Variants in ROR1 observed in about 807,000 individuals in gnomAD.
The protein encoded by ROR1 is ROR family WNT receptor 1, also known as inactive tyrosine-protein kinase transmembrane receptor ROR1.
Under a neutral mutation model 78.8 loss-of-function variants are expected in ROR1, and 19 were observed. The observed-to-expected ratio is 0.24, with a 90% CI of 0.17 to 0.35. ROR1 has a LOEUF of 0.35. ROR1 is among the 10% of genes least tolerant of loss of function. The pLI is 1.00. For missense variants in ROR1, 917 were observed against 1,177.8 expected (o/e 0.78, Z 3.24); for synonymous variants, 386 against 433.6 (o/e 0.89, Z 1.36).
chr1:63,787,582 A>G (rs1644699749), intron 1 of ROR1, among the ~76,000 whole-genome samples: 1 of 147,826 alleles, frequency 6.8e-6, no homozygotes, highest in Non-Finnish European at 1.5e-5. Flanking sequence ...GCTGGAGTGC[A>G]ATGGTGCGAT....
In ROR1 at chr1:63,824,339, G is replaced by T. The variant is rs147419765; in HGVS notation, c.91+49831G>T. Among the ~76,000 whole-genome samples, 441 of 152,338 alleles carry T rather than the reference G, an allele frequency of 2.9e-3. 3 individuals are homozygous for T. Among genetic ancestry groups the T allele is most frequent in the African/African-American group, 0.01 (431 of 41,572 alleles). ...GATAATTTGTAAACAAATGAGCATG[G>T]CTTTGTTCCAATGAAAATTTATATA... On this transcript the variant is annotated intron_variant, in intron 1 of 8. Coordinates refer to ENST00000371079, the MANE Select transcript of ROR1 (RefSeq NM_005012.4).
intron 1 of ROR1, among the ~76,000 whole-genome samples, chr1:63,889,149 G>A (rs867220974): frequency 6.6e-6 from 1 of 152,140 alleles, no homozygotes; most frequent in South Asian, 2.1e-4. Context: ...CTTTCCCAGT[G>A]AGTCATATGA....
chr1:64,089,105 T>G (rs998012728), intron 4 of ROR1, among the ~76,000 whole-genome samples: 1 of 152,184 alleles, frequency 6.6e-6, no homozygotes, highest in Non-Finnish European at 1.5e-5. Context: ...TGAGAAATTA[T>G]TATATACAAA....
At chr1:64,113,747 G>T (rs1648206155) in intron 4 of ROR1, 1 of 149,944 alleles carries the variant, frequency 6.7e-6, no homozygotes, top group African/African-American at 2.5e-5. Context: ...CACTTCAGAA[G>T]AGACCCAGGT....
chr1:63,999,461 G>T (rs1312639559), intron 1 of ROR1, among the ~76,000 whole-genome samples: 1 of 152,144 alleles, frequency 6.6e-6, no homozygotes, highest in Non-Finnish European at 1.5e-5. Context: ...AAAATCTTTG[G>T]TCAGGACAAG....
intron 1 of ROR1, among the ~76,000 whole-genome samples, chr1:63,998,287 GTTTTTT>G (rs773029796): frequency 6.9e-6 from 1 of 144,312 alleles, no homozygotes; most frequent in South Asian, 2.2e-4. Flanking sequence ...GTAATTTAAG[GTTTTTT>G]TTTTTTGTCT....
At chr1:64,134,475 A>T (rs1649032673) in intron 4 of ROR1, among the ~76,000 whole-genome samples, 1 of 152,138 alleles carries the variant, frequency 6.6e-6, no homozygotes. Context: ...ACTTCTCTGA[A>T]TTTGAGTTTC....
intron 4 of ROR1, among the ~76,000 whole-genome samples, chr1:64,129,034 T>C (rs996918028): frequency 1.3e-5 from 2 of 152,212 alleles, no homozygotes; most frequent in African/African-American, 4.8e-5. Flanking sequence ...ACCTGTGACA[T>C]GGGCATCTCT....
intron 1 of ROR1, among the ~76,000 whole-genome samples, chr1:63,866,199 T>C (rs1305241403): frequency 6.6e-6 from 1 of 152,112 alleles, no homozygotes; most frequent in Non-Finnish European, 1.5e-5. Context: ...TGGAGCTTAC[T>C]AGATCTGACA....
intron 2 of ROR1, among the ~76,000 whole-genome samples, chr1:64,017,557 C>G (rs1052484749): frequency 1.3e-5 from 2 of 152,146 alleles, no homozygotes; most frequent in Non-Finnish European, 2.9e-5. Flanking sequence ...CCCCTGCCAT[C>G]CAGCCATCAA....
chr1:64,153,752 G>A (rs561920374), intron 7 of ROR1, among the ~76,000 whole-genome samples: 83 of 152,188 alleles, frequency 5.5e-4, no homozygotes, highest in East Asian at 1.9e-3. Context: ...GGGGGAAGGG[G>A]GGAAATGGGG....
At chr1:64,148,903 C>T (rs1649546937) in intron 7 of ROR1, among the ~76,000 whole-genome samples, 1 of 152,178 alleles carries the variant, frequency 6.6e-6, no homozygotes, top group South Asian at 2.1e-4. Context: ...TTTATTCATT[C>T]ACTCACAGAA....
chr1:64,078,358 T>C (rs1647070051), intron 4 of ROR1, among the ~76,000 whole-genome samples: 1 of 152,096 alleles, frequency 6.6e-6, no homozygotes, highest in Non-Finnish European at 1.5e-5. Context: ...TGCAGATCTT[T>C]GGTATGTGTG....
chr1:63,938,232 C>T (rs781499834), intron 1 of ROR1, among the ~76,000 whole-genome samples: 1 of 152,164 alleles, frequency 6.6e-6, no homozygotes, highest in Non-Finnish European at 1.5e-5. Context: ...TCTATTTACA[C>T]AGCACTTACA....
chr1:64,110,969 G>A (rs1431235743), intron 4 of ROR1: 3 of 151,940 alleles, frequency 2.0e-5, no homozygotes, highest in Non-Finnish European at 4.4e-5. Context: ...TAGAGGTCGG[G>A]GGTGAAGCGG....
chr1:64,120,403 A>G (rs866879991), intron 4 of ROR1, among the ~76,000 whole-genome samples: 3 of 152,368 alleles, frequency 2.0e-5, no homozygotes, highest in Non-Finnish European at 4.4e-5. Flanking sequence ...AAAAGTAAAA[A>G]TGAATGAAAG....
chr1:63,960,020 C>G (rs570901072), intron 1 of ROR1, among the ~76,000 whole-genome samples: 43 of 152,322 alleles, frequency 2.8e-4, no homozygotes, highest in African/African-American at 9.9e-4. Context: ...TTTGATGTCA[C>G]AGAGTCCCCC....
chr1:63,952,770 A>G (rs1645951068), intron 1 of ROR1, among the ~76,000 whole-genome samples: 1 of 152,148 alleles, frequency 6.6e-6, no homozygotes, highest in Non-Finnish European at 1.5e-5. Flanking sequence ...CAATTTAAGG[A>G]TAGCTCTCAG....
At chr1:63,903,864 T>C (rs1246088669) in intron 1 of ROR1, among the ~76,000 whole-genome samples, 3 of 152,108 alleles carry the variant, frequency 2.0e-5, no homozygotes, top group South Asian at 2.1e-4. Context: ...TAGATAGTTA[T>C]AAGAAACGAA....
Sources: gnomAD v4.1 joint callset for allele counts (sites outside exome capture counted in the v4.1 genomes callset) on GRCh38, gnomAD v4.1.1 for gene constraint, MANE v1.5 for transcripts, NCBI Gene and HGNC (gene_info 2026-07-23, HGNC 2026-07-21) for gene names.